The following MAPK10 variants were observed in gnomAD, a reference collection of about 807,000 sequenced individuals.
MAPK10 encodes the protein JNK3 alpha protein kinase.
MAPK10 carries 25 observed loss-of-function variants against 59.3 expected under a neutral mutation model. That is an observed-to-expected ratio of 0.42 (90% CI 0.31 to 0.59). The LOEUF is 0.59. Among genes scored for constraint, MAPK10 ranks in the 20% least tolerant of loss-of-function variants. The pLI is 0.15. For missense variants in MAPK10, 351 were observed against 568.9 expected (o/e 0.62, Z 3.90); for synonymous variants, 190 against 200.5 (o/e 0.95, Z 0.44).
chr4:86,139,190 T>A (rs1176953866), intron 4 of MAPK10, among the ~76,000 whole-genome samples: 1 of 143,412 alleles, frequency 7.0e-6, no homozygotes, highest in Admixed American at 7.1e-5. Context: ...TACTTTAAAG[T>A]TCATATGGAA....
intron 3 of MAPK10, among the ~76,000 whole-genome samples, chr4:86,180,948 T>C (rs2076805425): frequency 6.6e-6 from 1 of 152,058 alleles, no homozygotes; most frequent in South Asian, 2.1e-4. Context: ...GTAGGGTGAC[T>C]ATAGTTTATA....
intron 1 of MAPK10, among the ~76,000 whole-genome samples, chr4:86,534,798 C>A (rs1217912207): frequency 6.6e-6 from 1 of 151,970 alleles, no homozygotes; most frequent in Non-Finnish European, 1.5e-5. Context: ...CCCAGCTATT[C>A]AGGAGGCTGA....
At chr4:86,257,663 G>A (rs1157396357) in intron 2 of MAPK10, among the ~76,000 whole-genome samples, 2 of 151,966 alleles carry the variant, frequency 1.3e-5, no homozygotes, top group Non-Finnish European at 2.9e-5. Flanking sequence ...ACCCACCTCC[G>A]CTTGACTTCA....
In MAPK10 at chr4:86,015,023, A is replaced by AC. The variant is rs923644270; in HGVS notation, c.*2204_*2205insG. 5.9e-5 allele frequency: 9 copies of AC among 151,974 alleles called. No individual in the cohort carries two copies. Among genetic ancestry groups the AC allele is most frequent in the Non-Finnish European group, 1.3e-4 (9 of 67,984 alleles). 9.4% of individuals were successfully genotyped at this position (151,974 alleles called of 1,614,324 possible). ...GAGAAGTTTTTAAAAAAAAAAAAAA[A>AC]AAACAGGAATATGAAAGAGAGGGAG... On this transcript the variant is annotated 3_prime_UTR_variant, in exon 14 of 14. Coordinates refer to ENST00000641462, the MANE Select transcript of MAPK10 (RefSeq NM_138982.4).
chr4:86,291,332 C>G (rs2095220112), intron 2 of MAPK10, among the ~76,000 whole-genome samples: 1 of 152,154 alleles, frequency 6.6e-6, no homozygotes, highest in African/African-American at 2.4e-5. Flanking sequence ...TTCAGAAGAG[C>G]AGCTGTTGAA....
chr4:86,270,567 AG>A lies in MAPK10; in HGVS notation c.-6-76161del, dbSNP rs111430217. ...AAAATTGACATAAAGTGAAACACAC[AG>A]GCCTTAAGTCATGATTTCTGATATC... On this transcript the variant is annotated intron_variant, in intron 2 of 13. Transcript: ENST00000641462. 4.9e-3 allele frequency among the ~76,000 whole-genome samples: 741 copies of A among 152,240 alleles called. 8 individuals are homozygous for A. The highest frequency in any genetic ancestry group is 0.017 in the African/African-American group (700 of 41,566).
intron 2 of MAPK10, chr4:86,327,571 T>A (rs1233003477): frequency 6.6e-6 from 1 of 151,468 alleles, no homozygotes; most frequent in Admixed American, 6.6e-5. Flanking sequence ...TGAATACAGG[T>A]CTTTGAAGGG....
At chr4:86,415,136 CAAAA>C (rs5860025) in intron 1 of MAPK10, among the ~76,000 whole-genome samples, 57 of 106,282 alleles carry the variant, frequency 5.4e-4, no homozygotes, top group Middle Eastern at 5.0e-3. Context: ...AAGATTCTGT[CAAAA>C]AAAAAAAAAA....
chr4:86,140,479 A>G (rs2063383133), intron 4 of MAPK10, among the ~76,000 whole-genome samples: 1 of 141,172 alleles, frequency 7.1e-6, no homozygotes, highest in South Asian at 2.2e-4. Context: ...TGGGAATTGA[A>G]CAATGAGAAC....
At chr4:86,176,631 C>A in intron 3 of MAPK10, among the ~76,000 whole-genome samples, 2 of 140,290 alleles carry the variant, frequency 1.4e-5, no homozygotes, top group Non-Finnish European at 3.0e-5. Flanking sequence ...ATAATAACTA[C>A]TTAATAAATT....
chr4:86,126,896 C>CTCCAGTG (rs1383701619), intron 4 of MAPK10, among the ~76,000 whole-genome samples: 3 of 151,962 alleles, frequency 2.0e-5, no homozygotes, highest in African/African-American at 7.2e-5. Flanking sequence ...TATCCAAGGC[C>CTCCAGTG]TATTTGTACC....
intron 2 of MAPK10, among the ~76,000 whole-genome samples, chr4:86,258,225 T>C (rs1170116083): frequency 6.6e-6 from 1 of 152,146 alleles, no homozygotes; most frequent in Non-Finnish European, 1.5e-5. Flanking sequence ...AACTCCTTAC[T>C]TCATAGACGA....
intron 2 of MAPK10, among the ~76,000 whole-genome samples, chr4:86,288,094 C>A (rs1028524281): frequency 6.6e-6 from 1 of 152,132 alleles, no homozygotes. Flanking sequence ...GAAAATAGCA[C>A]CACCTCTCTG....
At chr4:86,501,167 A>G (rs1429953400) in intron 1 of MAPK10, among the ~76,000 whole-genome samples, 1 of 151,154 alleles carries the variant, frequency 6.6e-6, no homozygotes, top group African/African-American at 2.4e-5. Flanking sequence ...TTTCATTTGA[A>G]ATTAGCAATA....
rs555169895 is a variant in MAPK10 at position 86,122,086 on chromosome 4, G to A, written c.237-14734C>T. On this transcript the variant is annotated intron_variant, in intron 4 of 13. Transcript: ENST00000641462. The stretch of plus-strand genomic sequence containing the variant: ...AGGGGCATTATTAACTGAGAAAAAT[G>A]GGTGGCTTTAAACATTTTCTAAGAT... 2.6e-5 allele frequency among the ~76,000 whole-genome samples: 4 copies of A among 152,144 alleles called. No homozygotes were observed. The South Asian group carries it at 8.3e-4, about 32-fold the overall frequency.
At chr4:86,210,659 G>A (rs2149352349) in intron 2 of MAPK10, among the ~76,000 whole-genome samples, 1 of 151,168 alleles carries the variant, frequency 6.6e-6, no homozygotes, top group South Asian at 2.1e-4. Flanking sequence ...ACTTTAAAAG[G>A]AATAACGTTG....
intron 1 of MAPK10, among the ~76,000 whole-genome samples, chr4:86,468,163 CCTA>C (rs1752371208): frequency 6.6e-6 from 1 of 152,206 alleles, no homozygotes; most frequent in East Asian, 1.9e-4. Flanking sequence ...CATTCTCTAA[CCTA>C]CTATCTGATA....
intron 9 of MAPK10, chr4:86,089,331 A>G: frequency 8.0e-7 from 1 of 1,244,692 alleles, no homozygotes. Flanking sequence ...AGAACAACAA[A>G]TAAATGAAAA....
chr4:86,387,303 C>T lies in MAPK10; in HGVS notation c.-121-32659G>A, dbSNP rs1027848739. On this transcript the variant is annotated intron_variant, in intron 1 of 13. Transcript: ENST00000361569. ...CACATTTTACTTGAATAAGAAAAAT[C>T]ATTGCCTGATTTAATTTTGCCAATG... 2.6e-5 allele frequency among the ~76,000 whole-genome samples: 4 copies of T among 152,152 alleles called. 1 individual carries two copies. The East Asian group carries it at 7.7e-4, about 29-fold the overall frequency.
Sources: allele counts gnomAD v4.1 joint callset (sites outside exome capture counted in the v4.1 genomes callset), GRCh38; gene constraint gnomAD v4.1.1; transcripts MANE v1.5; gene names NCBI Gene and HGNC (gene_info 2026-07-23, HGNC 2026-07-21).